CTNNA3: variants seen among roughly 807,000 people sequenced by gnomAD.
CTNNA3 encodes the protein catenin alpha-3.
A neutral mutation model predicts 95.7 loss-of-function variants in CTNNA3; 76 were observed. That is an observed-to-expected ratio of 0.79 (90% CI 0.66 to 0.96). The LOEUF is 0.96. CTNNA3 is among the 40% of genes least tolerant of loss of function. The probability of loss-of-function intolerance (pLI) is 0.00; values close to 1 mark genes in which losing one functional copy is unlikely to be tolerated. For synonymous variants in CTNNA3, 431 were observed against 374.4 expected (o/e 1.15, Z -1.74); for missense variants, 1,191 against 1,089.8 (o/e 1.09, Z -1.31).
rs551316329 is a variant in CTNNA3 at position 67,384,172 on chromosome 10, A to G, written c.579+137670T>C. ...TAAAACACAAATTAGCATAAATTTAAAGTTGGTTAAAAAAAAATAAAGGTA... is the reference window on the plus strand; with the variant it reads ...TAAAACACAAATTAGCATAAATTTAGAGTTGGTTAAAAAAAAATAAAGGTA... On this transcript the variant is annotated intron_variant, in intron 5 of 17. Transcript: ENST00000433211. 2.6e-5 allele frequency among the ~76,000 whole-genome samples: 4 copies of G among 152,336 alleles called. No homozygotes were observed. The South Asian group carries it at 8.3e-4, about 32-fold the overall frequency.
intron 10 of CTNNA3, among the ~76,000 whole-genome samples, chr10:66,615,309 C>A (rs962396232): frequency 2.0e-5 from 3 of 151,966 alleles, no homozygotes; most frequent in Non-Finnish European, 4.4e-5. Context: ...GCATGAAAAT[C>A]CAATGATCAA....
intron 7 of CTNNA3, chr10:67,176,868 A>G (rs779166434): frequency 4.3e-6 from 2 of 466,434 alleles, no homozygotes; most frequent in Non-Finnish European, 8.6e-6. Flanking sequence ...TGACCTCTAG[A>G]AACTGGAAAA....
intron 5 of CTNNA3, among the ~76,000 whole-genome samples, chr10:67,277,815 A>G (rs1839243565): frequency 6.6e-6 from 1 of 152,208 alleles, no homozygotes; most frequent in Non-Finnish European, 1.5e-5. Context: ...TGCCATAGTA[A>G]TGTCAGGAAG....
chr10:67,620,888 T>C (rs1843810513), intron 2 of CTNNA3, among the ~76,000 whole-genome samples: 1 of 143,058 alleles, frequency 7.0e-6, no homozygotes, highest in Non-Finnish European at 1.5e-5. Context: ...CATATATATG[T>C]GTATATATAT....
At chr10:67,467,774 A>G (rs983410645) in intron 5 of CTNNA3, among the ~76,000 whole-genome samples, 9 of 151,908 alleles carry the variant, frequency 5.9e-5, no homozygotes, top group African/African-American at 2.2e-4. Flanking sequence ...ACAGTGGTGC[A>G]ATCATGGCTC....
chr10:67,385,812 G>C (rs1363948801), intron 5 of CTNNA3, among the ~76,000 whole-genome samples: 1 of 150,908 alleles, frequency 6.6e-6, no homozygotes, highest in African/African-American at 2.4e-5. Flanking sequence ...ACAGTGCCTG[G>C]TGGGGATATA....
rs528273850 is a variant in CTNNA3, at chr10:66,747,348, T to C, written c.1281+18916A>G. Reference sequence around the variant, plus strand: ...AAATTCTTCAAGACTAAATGGTTAATAGCAGCCACACTTGTGAGTAGGAAG... The same window carrying C: ...AAATTCTTCAAGACTAAATGGTTAACAGCAGCCACACTTGTGAGTAGGAAG... On this transcript the variant is annotated intron_variant, in intron 9 of 17. Transcript: ENST00000433211. Among the ~76,000 whole-genome samples, 6 of 152,314 alleles carry C rather than the reference T, an allele frequency of 3.9e-5. No homozygotes were observed. In the South Asian group the frequency reaches 1.2e-3, roughly 32 times the overall value.
intron 12 of CTNNA3, among the ~76,000 whole-genome samples, chr10:66,353,973 G>A (rs1319798187): frequency 6.6e-6 from 1 of 151,970 alleles, no homozygotes; most frequent in East Asian, 1.9e-4. Context: ...GGGAGTATCC[G>A]TGACATTTGT....
chr10:65,950,516 CT>C (rs1564534637), intron 17 of CTNNA3, among the ~76,000 whole-genome samples: 1 of 152,062 alleles, frequency 6.6e-6, no homozygotes, highest in Non-Finnish European at 1.5e-5. Context: ...TGCACTTTGC[CT>C]AATGGGGAAT....
At chr10:66,915,723 T>TATAC (rs1554878452) in intron 7 of CTNNA3, among the ~76,000 whole-genome samples, 3 of 147,324 alleles carry the variant, frequency 2.0e-5, no homozygotes, top group African/African-American at 7.5e-5. Context: ...TATATATATA[T>TATAC]ACACACACAC....
chr10:66,568,297 G>GTC (rs555839871), intron 10 of CTNNA3, among the ~76,000 whole-genome samples: 18 of 152,282 alleles, frequency 1.2e-4, no homozygotes, highest in African/African-American at 3.9e-4. Context: ...CAACCTGATT[G>GTC]TAGACAGTGT....
chr10:65,994,427 ATT>A (rs55754039), intron 15 of CTNNA3, among the ~76,000 whole-genome samples: 2 of 145,150 alleles, frequency 1.4e-5, no homozygotes, highest in Non-Finnish European at 3.0e-5. Context: ...CTGGATTGAC[ATT>A]TTTTTTTTTT....
At chr10:66,171,281 A>T (rs1337861193) in intron 13 of CTNNA3, among the ~76,000 whole-genome samples, 6 of 149,420 alleles carry the variant, frequency 4.0e-5, no homozygotes, top group African/African-American at 1.5e-4. Flanking sequence ...AAAAAAAAAA[A>T]TCCTAACTTT....
At chr10:66,337,783 C>A (rs940457846) in intron 12 of CTNNA3, among the ~76,000 whole-genome samples, 17 of 151,996 alleles carry the variant, frequency 1.1e-4, no homozygotes, top group African/African-American at 3.1e-4. Context: ...AATGAAGAAA[C>A]CTTATACATC....
intron 13 of CTNNA3, among the ~76,000 whole-genome samples, chr10:66,274,610 T>A (rs1172004549): frequency 1.3e-5 from 2 of 152,204 alleles, no homozygotes; most frequent in Non-Finnish European, 2.9e-5. Context: ...TATGATTTTA[T>A]CTATTTAAAA....
chr10:66,353,105 C>G (rs904101311), intron 12 of CTNNA3, among the ~76,000 whole-genome samples: 9 of 151,852 alleles, frequency 5.9e-5, no homozygotes, highest in Non-Finnish European at 8.8e-5. Context: ...TATATATATG[C>G]TTCTCTAATT....
intron 3 of CTNNA3, among the ~76,000 whole-genome samples, chr10:67,572,540 C>T (rs2090181129): frequency 6.6e-6 from 1 of 152,150 alleles, no homozygotes; most frequent in African/African-American, 2.4e-5. Context: ...TTTGATGAGA[C>T]CACCATACAA....
At chr10:66,357,033 T>C (rs1223697969) in intron 12 of CTNNA3, among the ~76,000 whole-genome samples, 1 of 152,124 alleles carries the variant, frequency 6.6e-6, no homozygotes, top group Non-Finnish European at 1.5e-5. Flanking sequence ...TTTTTGCATC[T>C]ACGTTCATGA....
chr10:66,468,597 C>A (rs1329719754), intron 11 of CTNNA3, among the ~76,000 whole-genome samples: 1 of 151,572 alleles, frequency 6.6e-6, no homozygotes, highest in Non-Finnish European at 1.5e-5. Flanking sequence ...TTCAAATTTG[C>A]TAAGAGAGAA....
Sources: gnomAD v4.1 joint callset for allele counts (sites outside exome capture counted in the v4.1 genomes callset) on GRCh38, gnomAD v4.1.1 for gene constraint, MANE v1.5 for transcripts, NCBI Gene and HGNC (gene_info 2026-07-23, HGNC 2026-07-21) for gene names.